The following TMEM132D variants were observed in gnomAD, a reference collection of about 807,000 sequenced individuals.
TMEM132D encodes transmembrane protein 132D.
A neutral mutation model predicts 62.3 loss-of-function variants in TMEM132D; 21 were observed. That is an observed-to-expected ratio of 0.34 (90% confidence interval 0.24 to 0.49). TMEM132D has a LOEUF of 0.49. TMEM132D is among the 20% of genes least tolerant of loss of function. The pLI is 0.99. For missense variants in TMEM132D, 1,346 were observed against 1,402.8 expected (o/e 0.96, Z 0.65); for synonymous variants, 621 against 575.6 (o/e 1.08, Z -1.13).
rs899952323 is a variant in TMEM132D at position 129,166,258 on chromosome 12, G to T, written c.1443+43262C>A. Among the ~76,000 whole-genome samples, 3 of 152,284 alleles carry T rather than the reference G, an allele frequency of 2.0e-5. No homozygotes were observed. The Middle Eastern group carries it at 0.01, about 518-fold the overall frequency. ...TAACTCTCATTCGACTGAGTGTTGC[G>T]GCTACAATGGGGATGGGGGACTGTG... On this transcript the variant is annotated intron_variant, in intron 5 of 8. Coordinates refer to ENST00000422113, the MANE Select transcript of TMEM132D (RefSeq NM_133448.3).
chr12:129,165,130 G>A (rs1289527936), intron 5 of TMEM132D, among the ~76,000 whole-genome samples: 1 of 152,180 alleles, frequency 6.6e-6, no homozygotes, highest in African/African-American at 2.4e-5. Flanking sequence ...TGCACCGAAT[G>A]ATCTGATTTA....
At position 129,503,622 on chromosome 12, in the gene TMEM132D, C is replaced by A. The variant is rs193078153; in HGVS notation, c.1115+27437G>T. On this transcript the variant is annotated intron_variant, in intron 3 of 8. Transcript: ENST00000422113. ...CAAATCACAGCACCATAATTTAGTC[C>A]CCACAGGTCATTCATCCTGTGAATA... Among the ~76,000 whole-genome samples, 231 of 152,122 alleles carry A rather than the reference C, an allele frequency of 1.5e-3. 4 individuals carry two copies. The highest frequency in any genetic ancestry group is 0.012 in the Admixed American group (189 of 15,282).
chr12:129,348,539 C>G (rs77647882), intron 3 of TMEM132D, among the ~76,000 whole-genome samples: 7,567 of 152,000 alleles, frequency 0.05, 631 homozygotes, highest in African/African-American at 0.17. Flanking sequence ...GGAACATCAC[C>G]CACCAGGGCC....
chr12:129,684,886 T>C (rs1880868829), intron 2 of TMEM132D, among the ~76,000 whole-genome samples: 4 of 152,072 alleles, frequency 2.6e-5, no homozygotes, highest in Admixed American at 2.6e-4. Context: ...CTGGTGGCTG[T>C]TTTTCCCTGC....
chr12:129,244,410 C>CAAAA (rs1305354488), intron 4 of TMEM132D, among the ~76,000 whole-genome samples: 1 of 122,244 alleles, frequency 8.2e-6, no homozygotes, highest in Admixed American at 8.1e-5. Flanking sequence ...AAAAAAAAAA[C>CAAAA]AAACAAAAAG....
At chr12:129,824,053 T>C (rs948469041) in intron 1 of TMEM132D, among the ~76,000 whole-genome samples, 3 of 152,026 alleles carry the variant, frequency 2.0e-5, no homozygotes, top group African/African-American at 7.3e-5. Flanking sequence ...CGTGGGCCAG[T>C]TTACAGGTGA....
At chr12:129,898,766 A>G (rs905479888) in intron 1 of TMEM132D, among the ~76,000 whole-genome samples, 1 of 152,232 alleles carries the variant, frequency 6.6e-6, no homozygotes, top group Non-Finnish European at 1.5e-5. Flanking sequence ...AATAGTAACC[A>G]TATCAACCTG....
chr12:129,217,025 C>T (rs1879224894), intron 4 of TMEM132D, among the ~76,000 whole-genome samples: 1 of 151,882 alleles, frequency 6.6e-6, no homozygotes, highest in South Asian at 2.1e-4. Flanking sequence ...TCTTTTTTGT[C>T]CCTAAAGTTA....
At chr12:129,713,169 A>C (rs1868438482) in intron 1 of TMEM132D, among the ~76,000 whole-genome samples, 1 of 152,152 alleles carries the variant, frequency 6.6e-6, no homozygotes, top group Admixed American at 6.6e-5. Context: ...GCCCCTCCCC[A>C]GACCCACTGA....
chr12:129,544,295 A>G (rs1593059857), intron 2 of TMEM132D, among the ~76,000 whole-genome samples: 1 of 152,184 alleles, frequency 6.6e-6, no homozygotes, highest in East Asian at 1.9e-4. Context: ...TTTATTGTTT[A>G]TTAGGAAATT....
intron 1 of TMEM132D, among the ~76,000 whole-genome samples, chr12:129,790,262 T>C (rs1000202316): frequency 4.6e-5 from 7 of 152,182 alleles, no homozygotes; most frequent in Non-Finnish European, 1.0e-4. Context: ...TTGCCGTCGG[T>C]GGATGGCTTA....
chr12:129,774,019 T>C (rs1455485310), intron 1 of TMEM132D, among the ~76,000 whole-genome samples: 2 of 152,170 alleles, frequency 1.3e-5, no homozygotes, highest in Admixed American at 1.3e-4. Context: ...GCTACTATAT[T>C]CTAAGATGGT....
intron 7 of TMEM132D, 97 bp from the exon 8 acceptor site, chr12:129,078,822 G>A: frequency 7.9e-7 from 1 of 1,270,124 alleles, no homozygotes; most frequent in Non-Finnish European, 1.1e-6. Flanking sequence ...GCAGCGGCAG[G>A]GCAACATGTG....
intron 3 of TMEM132D, among the ~76,000 whole-genome samples, chr12:129,485,145 C>T (rs942836319): frequency 1.3e-5 from 2 of 152,186 alleles, no homozygotes; most frequent in South Asian, 2.1e-4. Context: ...AACACATATA[C>T]GTGGTACATT....
chr12:129,307,632 T>G (rs1881876062), intron 4 of TMEM132D, among the ~76,000 whole-genome samples: 1 of 152,028 alleles, frequency 6.6e-6, no homozygotes. Context: ...TCCTCAGACA[T>G]TCTCTTCTTT....
chr12:129,872,827 ACATGTACCT>A (rs1443070757), intron 1 of TMEM132D, among the ~76,000 whole-genome samples: 1 of 152,196 alleles, frequency 6.6e-6, no homozygotes, highest in Non-Finnish European at 1.5e-5. Context: ...CGTTAATAAA[ACATGTACCT>A]CATGCAAGAT....
chr12:129,894,569 A>G (rs778873831), intron 1 of TMEM132D, among the ~76,000 whole-genome samples: 1 of 152,198 alleles, frequency 6.6e-6, no homozygotes, highest in Non-Finnish European at 1.5e-5. Context: ...AGCTTCATGT[A>G]ACAGAGTCCT....
intron 5 of TMEM132D, among the ~76,000 whole-genome samples, chr12:129,195,464 A>AT (rs1270250307): frequency 6.6e-6 from 1 of 151,978 alleles, no homozygotes; most frequent in Admixed American, 6.6e-5. Flanking sequence ...TGTGGCCCAT[A>AT]TTTTAAAAGG....
At chr12:129,448,195 A>G (rs1873164583) in intron 3 of TMEM132D, among the ~76,000 whole-genome samples, 1 of 152,130 alleles carries the variant, frequency 6.6e-6, no homozygotes, top group Admixed American at 6.6e-5. Flanking sequence ...CGGATGCAGA[A>G]ACTGAGGCTT....
Sources: allele counts gnomAD v4.1 joint callset (sites outside exome capture counted in the v4.1 genomes callset), GRCh38; gene constraint gnomAD v4.1.1; transcripts MANE v1.5; gene names NCBI Gene and HGNC (gene_info 2026-07-23, HGNC 2026-07-21).